Variants in RPH3A observed in about 807,000 individuals in gnomAD.
RPH3A encodes the protein rabphilin-3A.
A neutral mutation model predicts 102.2 loss-of-function variants in RPH3A; 48 were observed. The ratio of observed to expected loss-of-function variants is 0.47; its 90% CI spans 0.37 to 0.60. RPH3A has a LOEUF of 0.60. Among genes scored for constraint, RPH3A ranks in the 20% least tolerant of loss-of-function variants. The pLI is 0.00. For synonymous variants in RPH3A, 310 were observed against 324.3 expected, an observed-to-expected ratio of 0.96 and a Z score of 0.47; for missense variants, 781 against 910.1, an observed-to-expected ratio of 0.86 and a Z score of 1.83.
intron 2 of RPH3A, among the ~76,000 whole-genome samples, chr12:112,810,967 ATGTG>A (rs758194280): frequency 8.8e-6 from 1 of 113,328 alleles, no homozygotes; most frequent in African/African-American, 2.9e-5. Flanking sequence ...GTGTACATAT[ATGTG>A]TGTGTGTGTG....
intron 1 of RPH3A, among the ~76,000 whole-genome samples, chr12:112,655,408 G>C (rs541546616): frequency 2.0e-5 from 3 of 152,114 alleles, no homozygotes; most frequent in Middle Eastern, 3.4e-3. Context: ...CATCATAGTC[G>C]GGTCCAGCCT....
At chr12:112,849,315 GA>G (rs372412862) in intron 5 of RPH3A, among the ~76,000 whole-genome samples, 1 of 152,264 alleles carries the variant, frequency 6.6e-6, no homozygotes, top group East Asian at 1.9e-4. Flanking sequence ...TCACGGAGGG[GA>G]TAGGTCTGAG....
intron 1 of RPH3A, among the ~76,000 whole-genome samples, chr12:112,633,239 A>G (rs1659080490): frequency 6.6e-6 from 1 of 152,188 alleles, no homozygotes; most frequent in South Asian, 2.1e-4. Context: ...AACAATCTAT[A>G]TGAGTCATCC....
At chr12:112,728,947 T>C (rs1293823854) in intron 1 of RPH3A, among the ~76,000 whole-genome samples, 1 of 152,186 alleles carries the variant, frequency 6.6e-6, no homozygotes, top group Admixed American at 6.5e-5. Flanking sequence ...CCTTCCTTTT[T>C]GTCTTTTTAT....
In RPH3A at chr12:112,897,632, A is replaced by C. The variant is rs1293567441; in HGVS notation, c.*852A>C. 1 of 152,304 alleles carries C rather than the reference A, an allele frequency of 6.6e-6. No individual in the cohort carries two copies. The highest frequency in any genetic ancestry group is 1.5e-5 in the Non-Finnish European group (1 of 68,130). The allele number at this position is 152,304 out of a possible 1,614,324, so 9.4% of individuals were successfully genotyped here. On this transcript the variant is annotated 3_prime_UTR_variant, in exon 22 of 22. Transcript: ENST00000389385. Reference sequence around the variant, plus strand: ...ACACCGCAAAAACAACAGCAAAAAAAGTGTATGTTAACCTAGCCTCACCCC... The same window carrying C: ...ACACCGCAAAAACAACAGCAAAAAACGTGTATGTTAACCTAGCCTCACCCC...
At chr12:112,743,423 T>C (rs1358451392) in intron 1 of RPH3A, among the ~76,000 whole-genome samples, 1 of 152,022 alleles carries the variant, frequency 6.6e-6, no homozygotes, top group Non-Finnish European at 1.5e-5. Context: ...GCAGGGGTTT[T>C]TCCATAGAGA....
At chr12:112,621,427 G>C (rs1480114373) in intron 1 of RPH3A, among the ~76,000 whole-genome samples, 3 of 149,026 alleles carry the variant, frequency 2.0e-5, no homozygotes, top group Non-Finnish European at 3.0e-5. Context: ...TTCCCTTTCC[G>C]AGTCAAAGAA....
chr12:112,796,244 C>T (rs2041227879), intron 2 of RPH3A, among the ~76,000 whole-genome samples: 1 of 152,292 alleles, frequency 6.6e-6, no homozygotes, highest in South Asian at 2.1e-4. Context: ...TCCTTCAAGT[C>T]CCTGGGAGGT....
In RPH3A at chr12:112,815,359, G is replaced by C. The variant is rs534309597; in HGVS notation, c.-18-12942G>C. Among the ~76,000 whole-genome samples the C allele has an allele frequency of 2.6e-5, 4 of 152,316 alleles. No homozygotes were observed. The South Asian group carries it at 8.3e-4, about 32-fold the overall frequency. ...AATATGTTTAACCCAACAAATAATA[G>C]AGCAGGAGAGTCAGGAGCCTCATTT... On this transcript the variant is annotated intron_variant, in intron 2 of 21. Transcript: ENST00000389385.
chr12:112,863,114 C>A (rs541680912), intron 5 of RPH3A, among the ~76,000 whole-genome samples: 22 of 152,298 alleles, frequency 1.4e-4, no homozygotes, highest in Admixed American at 4.6e-4. Context: ...AAACAGGATA[C>A]CACAGTTGTC....
At chr12:112,674,008 C>T (rs768309692) in intron 1 of RPH3A, among the ~76,000 whole-genome samples, 15 of 152,326 alleles carry the variant, frequency 9.8e-5, no homozygotes, top group Middle Eastern at 3.4e-3. Context: ...ATCCTCCCAC[C>T]TCAGCCTTCC....
In RPH3A at chr12:112,613,326, G is replaced by A. The variant is rs184212314; in HGVS notation, c.-140+38007G>A. 2.9e-3 allele frequency among the ~76,000 whole-genome samples: 448 copies of A among 152,224 alleles called. 3 individuals are homozygous for A. The highest frequency in any genetic ancestry group is 9.9e-3 in the African/African-American group (410 of 41,534). On this transcript the variant is annotated intron_variant, in intron 1 of 21. Coordinates refer to the RPH3A transcript ENST00000543106. ...ACCAGGTCGTTGCCTTCCTGGAAAG[G>A]AGGTGTCAGGGATATTCTTGGTGGC...
At chr12:112,869,835 G>C in intron 9 of RPH3A, 38 bp downstream of exon 9, 3 of 1,614,116 alleles carry the variant, frequency 1.9e-6, no homozygotes, top group Non-Finnish European at 2.5e-6. Context: ...TTTGAGACAC[G>C]AATTCACCTA....
intron 5 of RPH3A, among the ~76,000 whole-genome samples, chr12:112,850,172 T>TA (rs1467447160): frequency 2.0e-5 from 3 of 152,210 alleles, no homozygotes; most frequent in Non-Finnish European, 4.4e-5. Flanking sequence ...TAAGCCACTT[T>TA]ACCTCCCTGT....
chr12:112,817,053 C>T (rs1450225774), intron 2 of RPH3A, among the ~76,000 whole-genome samples: 1 of 152,084 alleles, frequency 6.6e-6, no homozygotes, highest in Non-Finnish European at 1.5e-5. Context: ...TGACCTGGCT[C>T]ATAAATGGAA....
chr12:112,728,796 AC>A (rs1390303086), intron 1 of RPH3A, among the ~76,000 whole-genome samples: 2 of 152,178 alleles, frequency 1.3e-5, no homozygotes, highest in Non-Finnish European at 2.9e-5. Flanking sequence ...TGGCTCACAA[AC>A]CAACTTCTTA....
At chr12:112,740,005 C>T (rs901076830) in intron 1 of RPH3A, among the ~76,000 whole-genome samples, 4 of 152,182 alleles carry the variant, frequency 2.6e-5, no homozygotes, top group African/African-American at 9.6e-5. Context: ...TGGCCTCACC[C>T]TCCCTTATAG....
intron 16 of RPH3A, among the ~76,000 whole-genome samples, 180 bp downstream of exon 16, chr12:112,883,582 A>T (rs563133299): frequency 3.8e-4 from 58 of 152,216 alleles, no homozygotes; most frequent in Non-Finnish European, 3.7e-4. Context: ...ACTTTTGGAA[A>T]ATACAGATAA....
At chr12:112,789,679 GCCACCA>G (rs571794947), upstream of RPH3A, among the ~76,000 whole-genome samples, 14 of 151,572 alleles carry the variant, frequency 9.2e-5, no homozygotes, top group Non-Finnish European at 1.6e-4. Flanking sequence ...AGCCATCATT[GCCACCA>G]CCACCACCAC....
Sources: allele counts gnomAD v4.1 joint callset (sites outside exome capture counted in the v4.1 genomes callset), GRCh38; gene constraint gnomAD v4.1.1; transcripts MANE v1.5; gene names NCBI Gene and HGNC (gene_info 2026-07-23, HGNC 2026-07-21).